PPP1R13B: variants seen among roughly 807,000 people sequenced by gnomAD.
PPP1R13B encodes the protein apoptosis-stimulating of p53 protein 1.
In PPP1R13B, 44 loss-of-function variants were observed where a neutral mutation model predicts 119.8. That is an observed-to-expected ratio of 0.37 (90% confidence interval 0.29 to 0.47). The LOEUF (loss-of-function observed/expected upper bound fraction) is 0.47. Among genes scored for constraint, PPP1R13B ranks in the 20% least tolerant of loss-of-function variants. PPP1R13B has a pLI of 0.99. For missense variants in PPP1R13B, 1,227 were observed against 1,413.5 expected, an observed-to-expected ratio of 0.87 and a Z score of 2.12; for synonymous variants, 542 against 561.5, an observed-to-expected ratio of 0.97 and a Z score of 0.49.
chr14:103,847,558 G>C lies in PPP1R13B; in HGVS notation c.-251C>G. 4 of 985,958 alleles carry C rather than the reference G, an allele frequency of 4.1e-6. No individual in the cohort carries two copies. Among genetic ancestry groups the C allele is most frequent in the Non-Finnish European group, 2.4e-6 (2 of 830,846 alleles). 61.1% of individuals were successfully genotyped at this position (985,958 alleles called of 1,614,324 possible). ...CGCCTCAACCTCAGCCTCAGCCTCAGCCCCAGCCCGACAGCCTGCGGCCCG... is the reference window on the plus strand; with the variant it reads ...CGCCTCAACCTCAGCCTCAGCCTCACCCCCAGCCCGACAGCCTGCGGCCCG... On this transcript the variant is annotated 5_prime_UTR_variant, in exon 1 of 17. Transcript: ENST00000202556.
At position 103,754,038 on chromosome 14, in the gene PPP1R13B, AGTGGTGTCGAGGGG is replaced by A; in HGVS notation, c.631+18_631+31del. Reference sequence around the variant, plus strand: ...TTTCACTGGATCTGGGCCTGGTGAGAGTGGTGTCGAGGGGGTGTTGCAGGCACGTACACAGATTG... The same window carrying A: ...TTTCACTGGATCTGGGCCTGGTGAGAGTGTTGCAGGCACGTACACAGATTG... On this transcript the variant is annotated intron_variant, in intron 6 of 16. Coordinates refer to ENST00000202556, the MANE Select transcript of PPP1R13B (RefSeq NM_015316.3). The A allele has an allele frequency of 6.2e-7, 1 of 1,604,432 alleles. No individual in the cohort carries two copies. The highest frequency in any genetic ancestry group is 2.2e-5 in the East Asian group (1 of 44,662).
chr14:103,739,776 G>A (rs776680316), intron 12 of PPP1R13B, 48 bp downstream of exon 12: 3 of 1,533,340 alleles, frequency 2.0e-6, no homozygotes, highest in Non-Finnish European at 2.6e-6. Context: ...GGTCCTGGTT[G>A]CATGAATGAC....
intron 1 of PPP1R13B, among the ~76,000 whole-genome samples, chr14:103,811,409 T>A (rs2086153122): frequency 6.6e-6 from 1 of 152,170 alleles, no homozygotes; most frequent in South Asian, 2.1e-4. Context: ...ACACCTATAA[T>A]CCCAGCACTT....
At position 103,829,872 on chromosome 14, in the gene PPP1R13B, G is replaced by A. The variant is rs555386312; in HGVS notation, c.9+17427C>T. On this transcript the variant is annotated intron_variant, in intron 1 of 16. Coordinates refer to ENST00000202556, the MANE Select transcript of PPP1R13B (RefSeq NM_015316.3). ...CAGCTCACTGCAACCTCCACCTCCC[G>A]GGTTCAAGCGATTCTCCCGAGTCAG... Among the ~76,000 whole-genome samples the A allele has an allele frequency of 1.7e-3, 263 of 152,134 alleles. 2 individuals carry two copies. Among genetic ancestry groups the A allele is most frequent in the South Asian group, 0.013 (62 of 4,820 alleles).
intron 1 of PPP1R13B, among the ~76,000 whole-genome samples, chr14:103,814,466 A>G (rs2086231000): frequency 6.6e-6 from 1 of 152,234 alleles, no homozygotes; most frequent in Non-Finnish European, 1.5e-5. Context: ...TAAGCTTTAA[A>G]CCACTACTCT....
At chr14:103,797,273 A>G in intron 2 of PPP1R13B, 98 bp downstream of exon 2, 1 of 1,282,860 alleles carries the variant, frequency 7.8e-7, no homozygotes, top group Non-Finnish European at 1.1e-6. Flanking sequence ...TTTTTTCCCC[A>G]TCTTTATCAG....
In PPP1R13B at chr14:103,736,343, A is replaced by T. The variant is rs2084110783; in HGVS notation, c.3032-141T>A. ...CAGAGGCCAGCGAGGGAGATGAGAC[A>T]CTATTGAAGACTAGGGCCCCCACCC... On this transcript the variant is annotated intron_variant, in intron 15 of 16. Coordinates refer to ENST00000202556, the MANE Select transcript of PPP1R13B (RefSeq NM_015316.3). 3.7e-6 allele frequency: 3 copies of T among 808,670 alleles called. No individual in the cohort carries two copies. In the East Asian group the frequency reaches 7.8e-5, roughly 21 times the overall value. 50.1% of individuals were successfully genotyped at this position (808,670 alleles called of 1,614,324 possible). A position where few individuals can be genotyped will look rare whatever the true frequency, so the allele number is the denominator to read the frequency against.
intron 4 of PPP1R13B, chr14:103,763,148 C>A (rs1045778706): frequency 4.7e-6 from 3 of 636,704 alleles, no homozygotes; most frequent in African/African-American, 1.8e-5. Flanking sequence ...CACCTTATGA[C>A]AGGGATAATG....
At position 103,804,738 on chromosome 14, in the gene PPP1R13B, GA is replaced by G. The variant is rs574328294; in HGVS notation, c.10-7221del. Among the ~76,000 whole-genome samples the G allele has an allele frequency of 1.0e-4, 15 of 144,786 alleles. No homozygotes were observed. The South Asian group carries it at 1.1e-3, about 11-fold the overall frequency. The allele number at this position is 144,786 out of a possible 152,430, so 95.0% of individuals were successfully genotyped here. A position where few individuals can be genotyped will look rare whatever the true frequency, so the allele number is the denominator to read the frequency against. ...GATAGAGTGAGATCCCATCTCTAAGGAAAAAAAAAAATCTAAACAGGAATTA... is the reference window on the plus strand; with the variant it reads ...GATAGAGTGAGATCCCATCTCTAAGGAAAAAAAAAATCTAAACAGGAATTA... On this transcript the variant is annotated intron_variant, in intron 1 of 16. Transcript: ENST00000202556.
intron 4 of PPP1R13B, among the ~76,000 whole-genome samples, chr14:103,768,274 C>T (rs1481541847): frequency 6.6e-6 from 1 of 151,792 alleles, no homozygotes; most frequent in African/African-American, 2.4e-5. Flanking sequence ...CATCACCACG[C>T]CCAGCTAATT....
rs1013416018 is a variant in PPP1R13B, at chr14:103,734,264, T to G, written c.*890A>C. The G allele has an allele frequency of 2.6e-5, 8 of 305,022 alleles. No homozygotes were observed. In the Admixed American group the frequency reaches 3.2e-4, roughly 12 times the overall value. 18.9% of individuals were successfully genotyped at this position (305,022 alleles called of 1,614,324 possible). On this transcript the variant is annotated 3_prime_UTR_variant, in exon 17 of 17. Coordinates refer to ENST00000202556, the MANE Select transcript of PPP1R13B (RefSeq NM_015316.3). ...CCTGACACCAGGCGTCTGCCATCCT[T>G]CAGGCACCAAACAGCCCCGTCTACC...
upstream of PPP1R13B, chr14:103,848,296 A>T (rs2087122136): frequency 2.0e-6 from 2 of 985,278 alleles, no homozygotes; most frequent in Admixed American, 6.1e-5. Flanking sequence ...CTCGAGGTCC[A>T]GCTCCAGCGT....
At chr14:103,843,110 G>A (rs1213344932) in intron 1 of PPP1R13B, among the ~76,000 whole-genome samples, 7 of 151,916 alleles carry the variant, frequency 4.6e-5, no homozygotes, top group Admixed American at 2.6e-4. Flanking sequence ...GGTGGCTCAC[G>A]CCTGTAATCC....
At chr14:103,846,921 C>G (rs776574234) in intron 1 of PPP1R13B, 1 of 1,119,512 alleles carries the variant, frequency 8.9e-7, no homozygotes, top group Non-Finnish European at 1.2e-6. Context: ...ACCCCGCCGA[C>G]TCCCAGGGCG....
chr14:103,756,362 T>C (rs2084678603), intron 5 of PPP1R13B, among the ~76,000 whole-genome samples: 1 of 152,188 alleles, frequency 6.6e-6, no homozygotes. Context: ...AGTGCTGGGA[T>C]TACAGGTATA....
At chr14:103,842,367 G>A (rs1187418) in intron 1 of PPP1R13B, among the ~76,000 whole-genome samples, 148,934 of 149,196 alleles carry the variant, frequency 1, 74,336 homozygotes, top group Middle Eastern at 1. Flanking sequence ...CAGTGGCACT[G>A]TCTCGGCTCA....
chr14:103,742,133 G>T lies in PPP1R13B; in HGVS notation c.1479C>A (p.Gly493=), dbSNP rs2084275308. The change falls in exon 11 of 17, where the codon GGC becomes GGA. Residue 493 remains glycine, a synonymous_variant. Transcript: ENST00000202556. This position sits in a 1 kb window ranked among gnomAD's most constrained non-coding sequence, Gnocchi z 4.9. The part of the protein sequence containing the change: ...KEGSLPRPSA[G]LPSRQRPTLL... ...GGGTGGGCCTCTGTCGACTTGGCAG[G>T]CCTGCACTGGGCCTGGGCAAGCTGC... 6.2e-7 allele frequency: 1 copy of T among 1,612,462 alleles called. No individual in the cohort carries two copies. The highest frequency in any genetic ancestry group is 8.5e-7 in the Non-Finnish European group (1 of 1,180,004).
At chr14:103,756,828 G>A (rs1197636541) in intron 5 of PPP1R13B, among the ~76,000 whole-genome samples, 5 of 151,742 alleles carry the variant, frequency 3.3e-5, no homozygotes, top group African/African-American at 4.8e-5. Flanking sequence ...GCACAATCTC[G>A]GCTCACTGCA....
chr14:103,843,322 T>C (rs1595852639), intron 1 of PPP1R13B, among the ~76,000 whole-genome samples: 1 of 151,518 alleles, frequency 6.6e-6, no homozygotes, highest in South Asian at 2.1e-4. Flanking sequence ...TGCAGTGAGC[T>C]GAGATCCTGC....
Sources: allele counts gnomAD v4.1 joint callset (sites outside exome capture counted in the v4.1 genomes callset), GRCh38; gene constraint gnomAD v4.1.1; non-coding constraint Gnocchi (gnomAD v3.1); transcripts MANE v1.5; gene names NCBI Gene and HGNC (gene_info 2026-07-23, HGNC 2026-07-21).